TCOF1: variants seen among roughly 807,000 people sequenced by gnomAD.
TCOF1 encodes the protein treacle ribosome biogenesis factor 1, also known as treacle protein.
TCOF1 carries 33 observed loss-of-function variants against 149.0 expected under a neutral mutation model. The observed-to-expected ratio is 0.22, with a 90% CI of 0.17 to 0.30. The LOEUF (loss-of-function observed/expected upper bound fraction) is 0.30, where lower values mean the gene tolerates loss of function less well. Among genes scored for constraint, TCOF1 ranks in the 10% least tolerant of loss-of-function variants. TCOF1 has a pLI of 1.00. For synonymous variants in TCOF1, 789 were observed against 738.8 expected, an observed-to-expected ratio of 1.07 and a Z score of -1.10; for missense variants, 1,728 against 1,840.7, an observed-to-expected ratio of 0.94 and a Z score of 1.12.
At chr5:150,361,068 C>T (rs2150397306) in intron 1 of TCOF1, 88 bp from the exon 2 acceptor site, 2 of 1,562,802 alleles carry the variant, frequency 1.3e-6, no homozygotes, top group Middle Eastern at 1.7e-4. Context: ...CCTGTCTATA[C>T]AAGTCATGAG....
At chr5:150,381,856 A>G (rs1209173400) in intron 17 of TCOF1, among the ~76,000 whole-genome samples, 3 of 152,052 alleles carry the variant, frequency 2.0e-5, no homozygotes, top group Non-Finnish European at 4.4e-5. Context: ...TCATCTCTGC[A>G]CTCCACTAGC....
At chr5:150,393,231 G>A in intron 22 of TCOF1, 141 bp from the exon 23 acceptor site, 2 of 980,584 alleles carry the variant, frequency 2.0e-6, no homozygotes, top group Non-Finnish European at 3.2e-6. Flanking sequence ...TCTGTGCCTT[G>A]TTGTCCACCC....
At chr5:150,390,228 C>T (rs1158351938) in intron 19 of TCOF1, among the ~76,000 whole-genome samples, 1 of 152,234 alleles carries the variant, frequency 6.6e-6, no homozygotes, top group Non-Finnish European at 1.5e-5. Flanking sequence ...AATCTGGGGA[C>T]ACAGCCTCCT....
At chr5:150,364,465 A>G (rs1420818306) in intron 3 of TCOF1, among the ~76,000 whole-genome samples, 2 of 152,212 alleles carry the variant, frequency 1.3e-5, no homozygotes, top group Non-Finnish European at 2.9e-5. Flanking sequence ...GAACCAAAAC[A>G]ACCAGATGGG....
chr5:150,383,786 C>T (rs918698117), intron 17 of TCOF1: 2 of 1,551,720 alleles, frequency 1.3e-6, no homozygotes, highest in Non-Finnish European at 1.7e-6. Flanking sequence ...GACCCTCTCT[C>T]AAGCACCTGT....
Position 150,375,810 on chromosome 5 carries a change from G to T in TCOF1, c.1794G>T (p.Gln598His). 1 of 1,614,242 alleles carries T rather than the reference G, an allele frequency of 6.2e-7. No homozygotes were observed. Among genetic ancestry groups the T allele is most frequent in the African/African-American group, 1.3e-5 (1 of 75,078 alleles). Residue 598 changes from glutamine (Q) to histidine (H), a missense_variant, in exon 12 of 27, where the codon CAG becomes CAT. Gln to His is a conservative substitution (Grantham distance 24). Transcript: ENST00000643257. ...AGAAGGCAGGGCCTGTAGCCGTCCA[G>T]GTCAAGGCTGAAAAGCCCATGGACA... Reference protein sequence around the residue: ...PPQKAGPVAVQVKAEKPMDNS... With the variant: ...PPQKAGPVAVHVKAEKPMDNS...
Position 150,399,081 on chromosome 5 carries a change from C to T in TCOF1, c.*22+11C>T, listed in dbSNP as rs1227130320. 4 of 1,614,094 alleles carry T rather than the reference C, an allele frequency of 2.5e-6. No homozygotes were observed. Among genetic ancestry groups the T allele is most frequent in the African/African-American group, 1.3e-5 (1 of 74,940 alleles). ...CAGCACCAGGCACAGGTACGCTTCC[C>T]AATCATTCCTGAGCATTCAGGGTGG... On this transcript the variant is annotated intron_variant, in intron 26 of 26. Transcript: ENST00000643257.
intron 14 of TCOF1, among the ~76,000 whole-genome samples, chr5:150,376,849 TG>T (rs2150749185): frequency 6.6e-6 from 1 of 152,348 alleles, no homozygotes; most frequent in African/African-American, 2.4e-5. Flanking sequence ...TGATTCCCTG[TG>T]GTTTTCACAA....
intron 4 of TCOF1, chr5:150,368,391 A>G: frequency 2.4e-6 from 1 of 415,736 alleles, no homozygotes; most frequent in East Asian, 5.0e-5. Flanking sequence ...TGTATAAAGA[A>G]TTGTGCCTCT....
At chr5:150,361,237 A>G in intron 2 of TCOF1, 26 bp downstream of exon 2, 1 of 1,613,684 alleles carries the variant, frequency 6.2e-7, no homozygotes, top group Non-Finnish European at 8.5e-7. Flanking sequence ...TATAGGGTGG[A>G]GTAGGGACGG....
chr5:150,375,631 C>T lies in TCOF1; in HGVS notation c.1704+77C>T, dbSNP rs148419846. On this transcript the variant is annotated intron_variant, in intron 11 of 26. Transcript: ENST00000643257. ...AGCTGCCTGTGGCCTCCCAACCTCA[C>T]ACTGGGACTCTGTCTACAATCTTAG... The T allele has an allele frequency of 9.5e-4, 1,524 of 1,611,398 alleles. 12 individuals are homozygous for T. In the African/African-American group the frequency reaches 0.017, roughly 18 times the overall value.
intron 17 of TCOF1, chr5:150,383,905 G>A: frequency 2.0e-6 from 3 of 1,520,258 alleles, no homozygotes; most frequent in Non-Finnish European, 2.6e-6. Flanking sequence ...TACTCCAGAG[G>A]CCCAAGTCAG....
At chr5:150,383,279 A>G in intron 17 of TCOF1, 1 of 852,132 alleles carries the variant, frequency 1.2e-6, no homozygotes, top group African/African-American at 1.7e-5. Flanking sequence ...CCATATTTAA[A>G]CAGCACCTCA....
At chr5:150,388,740 C>T (rs1766787543) in intron 18 of TCOF1, among the ~76,000 whole-genome samples, 1 of 152,162 alleles carries the variant, frequency 6.6e-6, no homozygotes, top group South Asian at 2.1e-4. Flanking sequence ...GAGTTCAAGA[C>T]CAGCCTGGGT....
intron 19 of TCOF1, 103 bp downstream of exon 19, chr5:150,390,126 C>A: frequency 6.6e-7 from 1 of 1,518,732 alleles, no homozygotes; most frequent in Non-Finnish European, 8.9e-7. Context: ...TGCTGTCACG[C>A]CCACACTCCA....
chr5:150,378,675 C>G, intron 14 of TCOF1: 1 of 582,198 alleles, frequency 1.7e-6, no homozygotes, highest in Non-Finnish European at 3.0e-6. Context: ...AACTCTGAAT[C>G]TCCTATTTAG....
intron 18 of TCOF1, among the ~76,000 whole-genome samples, chr5:150,389,496 T>C (rs1483277241): frequency 6.6e-6 from 1 of 152,200 alleles, no homozygotes; most frequent in African/African-American, 2.4e-5. Flanking sequence ...TTATAAACAG[T>C]GCTTTGAAGA....
rs1029463501 is a variant in TCOF1, at chr5:150,379,051, G to A, written c.2478+9G>A. 6.2e-7 allele frequency: 1 copy of A among 1,613,900 alleles called. No homozygotes were observed. The highest frequency in any genetic ancestry group is 8.5e-7 in the Non-Finnish European group (1 of 1,179,930). On this transcript the variant is annotated intron_variant, in intron 15 of 26. Coordinates refer to ENST00000643257, the MANE Select transcript of TCOF1 (RefSeq NM_001371623.1). ...AGAGGTCTCCATCCAAGGCAAGTGG[G>A]GCCAGAAGCCACAGGAGGTGTGGAG... is the stretch of plus-strand genomic sequence containing the variant.
At chr5:150,375,278 T>G in intron 10 of TCOF1, 61 bp from the exon 11 acceptor site, 4 of 1,604,068 alleles carry the variant, frequency 2.5e-6, no homozygotes, top group Non-Finnish European at 3.4e-6. Context: ...TTTGCTCTCC[T>G]CCCCTCACTC....
Sources: allele counts gnomAD v4.1 joint callset (sites outside exome capture counted in the v4.1 genomes callset), GRCh38; gene constraint gnomAD v4.1.1; transcripts MANE v1.5; gene names NCBI Gene and HGNC (gene_info 2026-07-23, HGNC 2026-07-21).